PIGN: variants seen among roughly 807,000 people sequenced by gnomAD.
PIGN encodes phosphatidylinositol glycan anchor biosynthesis class N, also known as GPI ethanolamine phosphate transferase 1.
Under a neutral mutation model 125.4 loss-of-function variants are expected in PIGN, and 117 were observed. The ratio of observed to expected loss-of-function variants is 0.93; its 90% CI spans 0.80 to 1.09. The LOEUF (loss-of-function observed/expected upper bound fraction) is 1.09, where lower values mean the gene tolerates loss of function less well. PIGN is among the 50% of genes least tolerant of loss of function. The pLI is 0.00. For synonymous variants in PIGN, 392 were observed against 377.8 expected (o/e 1.04, Z -0.44); for missense variants, 1,075 against 1,094.9 (o/e 0.98, Z 0.26).
In PIGN at chr18:62,138,929, T is replaced by G. The variant is rs969139486; in HGVS notation, c.1116+54A>C. ...TATTTTCCCTAAATATATTCAATAT[T>G]TAAATTGTAGTATTGTCCATTTTTG... On this transcript the variant is annotated intron_variant, in intron 13 of 30. Transcript: ENST00000640252. 8.3e-6 allele frequency: 7 copies of G among 838,448 alleles called. No homozygotes were observed. In the South Asian group the frequency reaches 1.3e-4, roughly 16 times the overall value. The allele number at this position is 838,448 out of a possible 1,614,324, so 51.9% of individuals were successfully genotyped here.
At chr18:62,050,957 ATC>A (rs1218835602) in intron 30 of PIGN, among the ~76,000 whole-genome samples, 1 of 151,408 alleles carries the variant, frequency 6.6e-6, no homozygotes, top group Non-Finnish European at 1.5e-5. Context: ...TATTGAGATA[ATC>A]ATGTGGTTTT....
At chr18:62,070,923 A>T (rs915184414) in intron 30 of PIGN, among the ~76,000 whole-genome samples, 7 of 152,012 alleles carry the variant, frequency 4.6e-5, no homozygotes, top group South Asian at 2.1e-4. Flanking sequence ...TTTCTGCCTT[A>T]GCCTCCTGAG....
rs1160314023 is a variant in PIGN, at chr18:62,114,459, G to C, written c.1251+102C>G. 3 of 704,564 alleles carry C rather than the reference G, an allele frequency of 4.3e-6. No homozygotes were observed. The East Asian group carries it at 8.2e-5, about 19-fold the overall frequency. 43.6% of individuals were successfully genotyped at this position (704,564 alleles called of 1,614,324 possible). A position where few individuals can be genotyped will look rare whatever the true frequency, so the allele number is the denominator to read the frequency against. On this transcript the variant is annotated intron_variant, in intron 15 of 30. Coordinates refer to ENST00000640252, the MANE Select transcript of PIGN (RefSeq NM_176787.5). ...CAGGAAATGCAATCCTTCCTTGAGGGCTCAAGAAAGCTCCCTGGCCTGCCT... is the reference window on the plus strand; with the variant it reads ...CAGGAAATGCAATCCTTCCTTGAGGCCTCAAGAAAGCTCCCTGGCCTGCCT...
intron 1 of PIGN, among the ~76,000 whole-genome samples, chr18:62,181,463 G>A (rs1412842431): frequency 1.3e-5 from 2 of 152,058 alleles, no homozygotes; most frequent in Non-Finnish European, 2.9e-5. Context: ...AAATCTAATA[G>A]CTATTTTTTA....
At chr18:62,027,917 G>GA (rs1348184754) in intron 23 of PIGN, among the ~76,000 whole-genome samples, 1 of 151,106 alleles carries the variant, frequency 6.6e-6, no homozygotes, top group African/African-American at 2.4e-5. Flanking sequence ...AATAAAAAAA[G>GA]AAAAAAAGAA....
intron 30 of PIGN, among the ~76,000 whole-genome samples, chr18:62,065,214 CT>C (rs2032438863): frequency 6.6e-6 from 1 of 151,336 alleles, no homozygotes; most frequent in Non-Finnish European, 1.5e-5. Flanking sequence ...CCCTCCTTTC[CT>C]TTTTTTAAAA....
chr18:62,035,982 C>A (rs1472944789), intron 23 of PIGN, among the ~76,000 whole-genome samples: 1 of 152,150 alleles, frequency 6.6e-6, no homozygotes, highest in Non-Finnish European at 1.5e-5. Flanking sequence ...CCAGCTAAGC[C>A]TTCCTTTCCA....
At chr18:62,146,694 T>G (rs1002625476) in intron 9 of PIGN, among the ~76,000 whole-genome samples, 2 of 152,204 alleles carry the variant, frequency 1.3e-5, no homozygotes, top group Middle Eastern at 3.2e-3. Flanking sequence ...CATATACAGT[T>G]AATTCTCTGT....
intron 30 of PIGN, among the ~76,000 whole-genome samples, chr18:62,062,511 T>A (rs1337613087): frequency 6.6e-6 from 1 of 152,192 alleles, no homozygotes; most frequent in Admixed American, 6.5e-5. Context: ...TTTGTCTTCT[T>A]CTTATCCACT....
At chr18:62,142,430 C>T (rs2036172732) in intron 11 of PIGN, among the ~76,000 whole-genome samples, 1 of 145,578 alleles carries the variant, frequency 6.9e-6, no homozygotes, top group Admixed American at 7.4e-5. Flanking sequence ...AAGTCATTCC[C>T]GTCTTTTTGA....
intron 14 of PIGN, chr18:62,118,408 A>G (rs907355633): frequency 1.1e-4 from 17 of 152,128 alleles, no homozygotes; most frequent in East Asian, 5.8e-4. Flanking sequence ...TGAAGGTACC[A>G]AAACAATCAA....
At chr18:62,038,070 T>C (rs2030283143), downstream of PIGN, among the ~76,000 whole-genome samples, 1 of 152,214 alleles carries the variant, frequency 6.6e-6, no homozygotes, top group African/African-American at 2.4e-5. Context: ...ATTCCTGTTT[T>C]TACTACATAA....
At chr18:62,029,357 T>C (rs936692904) in intron 23 of PIGN, among the ~76,000 whole-genome samples, 22 of 152,178 alleles carry the variant, frequency 1.4e-4, no homozygotes, top group African/African-American at 4.3e-4. Flanking sequence ...TGTAAGGTCA[T>C]TATAACGGTC....
intron 1 of PIGN, among the ~76,000 whole-genome samples, chr18:62,168,985 A>G (rs957317887): frequency 4.0e-5 from 6 of 151,422 alleles, no homozygotes; most frequent in Non-Finnish European, 4.4e-5. Flanking sequence ...CCACCTGAGT[A>G]GCTGGGACTA....
At chr18:62,057,762 T>G (rs2031834709) in intron 30 of PIGN, among the ~76,000 whole-genome samples, 1 of 152,208 alleles carries the variant, frequency 6.6e-6, no homozygotes, top group Admixed American at 6.5e-5. Flanking sequence ...CTGACCATGT[T>G]TTCCCTCATA....
At chr18:62,170,931 T>G (rs1288882253) in intron 1 of PIGN, among the ~76,000 whole-genome samples, 2 of 152,200 alleles carry the variant, frequency 1.3e-5, no homozygotes, top group African/African-American at 4.8e-5. Context: ...CCACAACATT[T>G]CCTCAAGCCA....
At position 62,105,358 on chromosome 18, in the gene PIGN, A is replaced by G. The variant is rs2034594498; in HGVS notation, c.1859+185T>C. 5 of 394,884 alleles carry G rather than the reference A, an allele frequency of 1.3e-5. No homozygotes were observed. The South Asian group carries it at 2.9e-4, about 23-fold the overall frequency. 24.5% of individuals were successfully genotyped at this position (394,884 alleles called of 1,614,324 possible). ...TTATGAAAGCCCGAAAGCACCTACT[A>G]GGAGGTTTAATGACTCTTAGAACCT... On this transcript the variant is annotated intron_variant, in intron 20 of 30. Transcript: ENST00000640252.
intron 1 of PIGN, among the ~76,000 whole-genome samples, chr18:62,170,721 G>A (rs2082928450): frequency 6.6e-6 from 1 of 152,190 alleles, no homozygotes; most frequent in Non-Finnish European, 1.5e-5. Context: ...GCTTAGTGAA[G>A]AAGGCATTTT....
chr18:62,132,537 T>TA (rs1322889569), intron 14 of PIGN, among the ~76,000 whole-genome samples: 1 of 152,182 alleles, frequency 6.6e-6, no homozygotes, highest in African/African-American at 2.4e-5. Context: ...ATGTAACTGA[T>TA]ATAATTAATA....
Sources: allele counts gnomAD v4.1 joint callset (sites outside exome capture counted in the v4.1 genomes callset), GRCh38; gene constraint gnomAD v4.1.1; transcripts MANE v1.5; gene names NCBI Gene and HGNC (gene_info 2026-07-23, HGNC 2026-07-21).